Variants in FRMD4A observed in about 807,000 individuals in gnomAD.
FRMD4A encodes the protein FERM domain-containing protein 4A.
Under a neutral mutation model 129.1 loss-of-function variants are expected in FRMD4A, and 29 were observed. The observed-to-expected ratio is 0.22, with a 90% CI of 0.17 to 0.31. FRMD4A has a LOEUF of 0.31. Among genes scored for constraint, FRMD4A ranks in the 10% least tolerant of loss-of-function variants. The probability of loss-of-function intolerance (pLI) is 1.00; values close to 1 mark genes in which losing one functional copy is unlikely to be tolerated. For synonymous variants in FRMD4A, 634 were observed against 571.6 expected (o/e 1.11, Z -1.56); for missense variants, 1,272 against 1,375.8 (o/e 0.92, Z 1.19).
chr10:14,300,177 C>T (rs1846138519), intron 2 of FRMD4A, among the ~76,000 whole-genome samples: 1 of 152,036 alleles, frequency 6.6e-6, no homozygotes, highest in African/African-American at 2.4e-5. Context: ...ATAATAAATT[C>T]AAGTTCCTTG....
chr10:14,148,588 C>G (rs991819106), intron 2 of FRMD4A, among the ~76,000 whole-genome samples: 2 of 152,026 alleles, frequency 1.3e-5, no homozygotes, highest in East Asian at 1.9e-4. Context: ...ATGGTGAAAC[C>G]CTGTTTCTAC....
chr10:13,658,958 T>A (rs1018116480), intron 21 of FRMD4A, among the ~76,000 whole-genome samples: 1 of 151,876 alleles, frequency 6.6e-6, no homozygotes, highest in Non-Finnish European at 1.5e-5. Flanking sequence ...TTGCTCTTTA[T>A]GAATTTACAT....
intron 17 of FRMD4A, among the ~76,000 whole-genome samples, chr10:13,669,060 T>G (rs1018324102): frequency 6.2e-5 from 3 of 48,762 alleles, no homozygotes; most frequent in South Asian, 7.0e-4. Flanking sequence ...AGCTTTAGTT[T>G]TTTTTTTTTT....
chr10:13,703,098 C>CT (rs201795603), intron 13 of FRMD4A, among the ~76,000 whole-genome samples: 30 of 152,002 alleles, frequency 2.0e-4, no homozygotes, highest in African/African-American at 4.8e-4. Flanking sequence ...AAATGAATGA[C>CT]TTTTTTTTCC....
intron 2 of FRMD4A, among the ~76,000 whole-genome samples, chr10:14,223,344 G>A (rs1453513775): frequency 1.3e-5 from 2 of 152,168 alleles, no homozygotes; most frequent in African/African-American, 2.4e-5. Context: ...CTGGAGTGGA[G>A]GTCAAATCCA....
At chr10:13,728,566 T>A (rs571387483) in intron 12 of FRMD4A, among the ~76,000 whole-genome samples, 2 of 125,064 alleles carry the variant, frequency 1.6e-5, no homozygotes, top group African/African-American at 2.9e-5. Flanking sequence ...TTCAGGTGAT[T>A]ACCATTCTTT....
chr10:14,251,209 C>A lies in FRMD4A; in HGVS notation c.45+78849G>T, dbSNP rs1397370419. Among the ~76,000 whole-genome samples the A allele has an allele frequency of 2.6e-5, 4 of 152,150 alleles. No individual in the cohort carries two copies. The East Asian group carries it at 7.7e-4, about 29-fold the overall frequency. On this transcript the variant is annotated intron_variant, in intron 2 of 24. Transcript: ENST00000357447. ...TATTCAATAGACTATTAATTAGAAACAAATCAATACAGCAGAAGTCAAGGA... is the reference window on the plus strand; with the variant it reads ...TATTCAATAGACTATTAATTAGAAAAAAATCAATACAGCAGAAGTCAAGGA...
chr10:13,891,727 A>G (rs2094699223), intron 2 of FRMD4A: 2 of 984,530 alleles, frequency 2.0e-6, no homozygotes, highest in Non-Finnish European at 2.4e-6. Flanking sequence ...CCCTTGGCCT[A>G]CTAGGCGGCC....
intron 2 of FRMD4A, among the ~76,000 whole-genome samples, chr10:14,183,173 G>A (rs1253765794): frequency 6.6e-6 from 1 of 152,174 alleles, no homozygotes; most frequent in African/African-American, 2.4e-5. Context: ...TCTTAGACTC[G>A]ATTTTTCTTA....
intron 2 of FRMD4A, among the ~76,000 whole-genome samples, chr10:13,920,194 C>T (rs914265933): frequency 4.6e-5 from 7 of 152,134 alleles, no homozygotes; most frequent in Non-Finnish European, 8.8e-5. Context: ...CTTTACGAAA[C>T]CAGTTAGATG....
chr10:13,787,372 A>C lies in FRMD4A; in HGVS notation c.300-4366T>G, dbSNP rs555766004. Among the ~76,000 whole-genome samples the C allele has an allele frequency of 5.3e-4, 80 of 152,334 alleles. 1 individual carries two copies. The highest frequency in any genetic ancestry group is 1.9e-3 in the African/African-American group (79 of 41,570). On this transcript the variant is annotated intron_variant, in intron 5 of 24. Coordinates refer to ENST00000357447, the MANE Select transcript of FRMD4A (RefSeq NM_018027.5). Reference sequence around the variant, plus strand: ...GACCTCTCCACCCGCACGCCCAGAGAGGCATGGTGCACACCGGTGGCACCA... The same window carrying C: ...GACCTCTCCACCCGCACGCCCAGAGCGGCATGGTGCACACCGGTGGCACCA...
chr10:14,121,885 C>T (rs967541248), intron 2 of FRMD4A, among the ~76,000 whole-genome samples: 4 of 152,150 alleles, frequency 2.6e-5, no homozygotes, highest in African/African-American at 9.7e-5. Context: ...CTCATGCCTC[C>T]ATTTTCTCAT....
chr10:13,683,539 CTG>C (rs1444107620), intron 15 of FRMD4A, among the ~76,000 whole-genome samples: 1 of 151,996 alleles, frequency 6.6e-6, no homozygotes, highest in Non-Finnish European at 1.5e-5. Context: ...TGAGAGTACA[CTG>C]AGCTATGCTC....
rs770139585 is a variant in FRMD4A at position 13,675,040 on chromosome 10, A to T, written c.1122T>A (p.Ser374=). ...GSSGSLLSSG[S]QESDSSQSAK... is the part of the protein sequence containing the mutation. ...CCGACTGCGAGCTATCTGATTCCTG[A>T]GAACCTGTCGATAAACAGTGGGGTT... Residue 374 remains serine (S), a synonymous_variant, in exon 16 of 25, where the codon TCT becomes TCA. Coordinates refer to ENST00000357447, the MANE Select transcript of FRMD4A (RefSeq NM_018027.5). The T allele has an allele frequency of 4.3e-6, 7 of 1,612,520 alleles. No homozygotes were observed. Among genetic ancestry groups the T allele is most frequent in the Non-Finnish European group, 5.9e-6 (7 of 1,179,932 alleles).
intron 8 of FRMD4A, among the ~76,000 whole-genome samples, chr10:13,748,090 C>T (rs1302139937): frequency 6.6e-6 from 1 of 152,154 alleles, no homozygotes; most frequent in Non-Finnish European, 1.5e-5. Flanking sequence ...AAACCCTGCT[C>T]TCACTGAAGG....
intron 2 of FRMD4A, among the ~76,000 whole-genome samples, chr10:14,152,417 C>T (rs565066747): frequency 1.3e-5 from 2 of 152,166 alleles, no homozygotes; most frequent in East Asian, 1.9e-4. Flanking sequence ...CGTGAGCCAC[C>T]GCACTGGCCA....
chr10:14,022,644 A>G (rs1403060011), intron 2 of FRMD4A, among the ~76,000 whole-genome samples: 1 of 152,154 alleles, frequency 6.6e-6, no homozygotes, highest in Non-Finnish European at 1.5e-5. Flanking sequence ...TAGAGATGAT[A>G]ATGGATGGAA....
At chr10:14,047,505 T>C (rs895815838) in intron 2 of FRMD4A, among the ~76,000 whole-genome samples, 5 of 152,182 alleles carry the variant, frequency 3.3e-5, no homozygotes, top group African/African-American at 1.2e-4. Flanking sequence ...TAGGCAATCT[T>C]TAATCTGTAC....
chr10:13,670,594 CA>C (rs1314467381), intron 16 of FRMD4A, 66 bp from the exon 17 acceptor site: 4 of 1,468,156 alleles, frequency 2.7e-6, no homozygotes, highest in Non-Finnish European at 2.8e-6. Context: ...CTTCCTAGAA[CA>C]CACACACACG....
Sources: allele counts gnomAD v4.1 joint callset (sites outside exome capture counted in the v4.1 genomes callset), GRCh38; gene constraint gnomAD v4.1.1; transcripts MANE v1.5; gene names NCBI Gene and HGNC (gene_info 2026-07-23, HGNC 2026-07-21).